The following HEATR5A variants were observed in gnomAD, a reference collection of about 807,000 sequenced individuals.
HEATR5A encodes HEAT repeat-containing protein 5A.
HEATR5A carries 178 observed loss-of-function variants against 218.8 expected under a neutral mutation model. That is an observed-to-expected ratio of 0.81 (90% CI 0.72 to 0.92). The LOEUF is 0.92. HEATR5A is among the 40% of genes least tolerant of loss of function. The pLI, the probability that HEATR5A is intolerant of heterozygous loss-of-function variation, is 0.00. For missense variants in HEATR5A, 2,420 were observed against 2,418.9 expected, an observed-to-expected ratio of 1.00 and a Z score of -0.01; for synonymous variants, 864 against 871.6, an observed-to-expected ratio of 0.99 and a Z score of 0.15.
At chr14:31,318,552 G>A (rs759800936) in intron 25 of HEATR5A, among the ~76,000 whole-genome samples, 2 of 152,182 alleles carry the variant, frequency 1.3e-5, no homozygotes, top group African/African-American at 4.8e-5. Flanking sequence ...GTGCAGTGGC[G>A]CAATCTCGGC....
intron 8 of HEATR5A, 53 bp from the exon 9 acceptor site, chr14:31,386,628 G>T: frequency 6.8e-7 from 1 of 1,481,110 alleles, no homozygotes. Context: ...AAAATATATT[G>T]AAAAGGGTGT....
At chr14:31,350,323 G>A (rs1370667793) in intron 17 of HEATR5A, among the ~76,000 whole-genome samples, 2 of 152,144 alleles carry the variant, frequency 1.3e-5, no homozygotes, top group Non-Finnish European at 2.9e-5. Context: ...AAGTAACAAT[G>A]AGCTGGATTT....
At chr14:31,358,491 G>T in intron 16 of HEATR5A, 146 bp downstream of exon 16, 1 of 703,234 alleles carries the variant, frequency 1.4e-6, no homozygotes. Flanking sequence ...TTAAGTATTA[G>T]CCAAGTGAAT....
chr14:31,323,472 T>A (rs758977501), intron 24 of HEATR5A, 93 bp downstream of exon 24: 40 of 1,058,652 alleles, frequency 3.8e-5, no homozygotes, highest in African/African-American at 4.9e-5. Flanking sequence ...AGTTTCATTT[T>A]AAAAAAATAT....
chr14:31,405,575 A>T (rs1296783313), intron 1 of HEATR5A, among the ~76,000 whole-genome samples: 1 of 152,246 alleles, frequency 6.6e-6, no homozygotes, highest in Non-Finnish European at 1.5e-5. Flanking sequence ...TTCACAATTA[A>T]GGATACAGTT....
At chr14:31,416,221 A>G (rs942936184) in intron 1 of HEATR5A, among the ~76,000 whole-genome samples, 1 of 152,126 alleles carries the variant, frequency 6.6e-6, no homozygotes, top group Admixed American at 6.5e-5. Flanking sequence ...GAGTTTAAGC[A>G]ATTATCTGCC....
intron 19 of HEATR5A, among the ~76,000 whole-genome samples, chr14:31,346,330 C>T (rs1470573097): frequency 6.6e-6 from 1 of 152,012 alleles, no homozygotes; most frequent in Non-Finnish European, 1.5e-5. Flanking sequence ...GCAAAAAGTA[C>T]TATATATAAA....
chr14:31,352,606 G>A (rs1171613814), intron 16 of HEATR5A, among the ~76,000 whole-genome samples: 2 of 152,098 alleles, frequency 1.3e-5, no homozygotes, highest in African/African-American at 4.8e-5. Context: ...GGAAGGTATC[G>A]AGGCTATGTG....
At chr14:31,312,734 C>CA (rs1899797741) in intron 28 of HEATR5A, among the ~76,000 whole-genome samples, 1 of 151,828 alleles carries the variant, frequency 6.6e-6, no homozygotes, top group Non-Finnish European at 1.5e-5. Flanking sequence ...CCCATCTCTA[C>CA]AAAAGATACA....
rs571159323 is a variant in HEATR5A, at chr14:31,343,798, CTT to C, written c.3228+96_3228+97del. On this transcript the variant is annotated intron_variant, in intron 21 of 35. Transcript: ENST00000543095. Reference sequence around the variant, plus strand: ...AAATAGCTACGTATATAACACATAACTTTGTACATAGTCTAGAGTATAATTAA... The same window carrying C: ...AAATAGCTACGTATATAACACATAACTGTACATAGTCTAGAGTATAATTAA... 9.1e-4 allele frequency: 925 copies of C among 1,016,326 alleles called. 14 individuals are homozygous for C. In the South Asian group the frequency reaches 0.023, roughly 25 times the overall value. 63.0% of individuals were successfully genotyped at this position (1,016,326 alleles called of 1,614,324 possible).
At chr14:31,300,690 G>A (rs568051931) in intron 33 of HEATR5A, among the ~76,000 whole-genome samples, 1 of 152,308 alleles carries the variant, frequency 6.6e-6, no homozygotes, top group Non-Finnish European at 1.5e-5. Flanking sequence ...TCTGGCTCCA[G>A]AGCTCCTCAG....
intron 5 of HEATR5A, 48 bp downstream of exon 5, chr14:31,395,151 A>T: frequency 7.8e-7 from 1 of 1,290,262 alleles, no homozygotes; most frequent in Non-Finnish European, 1.0e-6. Flanking sequence ...AAGCTGATTT[A>T]CTTTTCTTTA....
At chr14:31,394,300 G>A (rs1312963810) in intron 5 of HEATR5A, 74 bp from the exon 6 acceptor site, 12 of 821,286 alleles carry the variant, frequency 1.5e-5, no homozygotes, top group Non-Finnish European at 2.1e-5. Context: ...GTAAGTTGCA[G>A]AAACTATCAG....
At chr14:31,400,271 T>C (rs922573541) in intron 3 of HEATR5A, 30 bp downstream of exon 3, 1 of 1,405,498 alleles carries the variant, frequency 7.1e-7, no homozygotes, top group African/African-American at 1.4e-5. Context: ...CAATATTTTG[T>C]TTTCTGTTCT....
chr14:31,339,966 C>G (rs980253324), intron 21 of HEATR5A, among the ~76,000 whole-genome samples: 4 of 152,120 alleles, frequency 2.6e-5, no homozygotes, highest in African/African-American at 9.7e-5. Flanking sequence ...AGCATTTATT[C>G]AGGCTAGTCA....
intron 33 of HEATR5A, among the ~76,000 whole-genome samples, chr14:31,301,993 C>A (rs113246954): frequency 3.4e-5 from 5 of 149,058 alleles, no homozygotes; most frequent in Non-Finnish European, 5.9e-5. Flanking sequence ...CCACCAGAAT[C>A]GGCTGATTTT....
chr14:31,374,983 A>T lies in HEATR5A; in HGVS notation c.1709-15T>A. On this transcript the variant is annotated splice_polypyrimidine_tract_variant and intron_variant, in intron 11 of 35. Transcript: ENST00000543095. The stretch of plus-strand genomic sequence containing the variant: ...AACTGCAGGACCTGTAATTTATTCA[A>T]CTTGTCACTTGTAAGAGAATCCAAG... 1 of 1,583,124 alleles carries T rather than the reference A, an allele frequency of 6.3e-7. No individual in the cohort carries two copies. The highest frequency in any genetic ancestry group is 8.6e-7 in the Non-Finnish European group (1 of 1,165,710).
chr14:31,307,920 C>T lies in HEATR5A; in HGVS notation c.4791G>A (p.Trp1597Ter). ...HALQALLDVPWPRSKIGSDQD... is the reference protein window; with the variant it reads ...HALQALLDVP Reference sequence around the variant, plus strand: ...GATCACTGCCAATTTTTGATCTGGGCCAAGGTACATCTAGAAGTGCTTGCA... The same window carrying T: ...GATCACTGCCAATTTTTGATCTGGGTCAAGGTACATCTAGAAGTGCTTGCA... Residue 1597 changes from tryptophan (W) to a stop codon, truncating the protein, a stop_gained, in exon 30 of 36, where the codon TGG (tryptophan) becomes TGA (stop). Transcript: ENST00000543095. LOFTEE classifies it high-confidence loss of function. 1 of 1,613,502 alleles carries T rather than the reference C, an allele frequency of 6.2e-7. No homozygotes were observed. Among genetic ancestry groups the T allele is most frequent in the Non-Finnish European group, 8.5e-7 (1 of 1,179,750 alleles).
Position 31,398,716 on chromosome 14 carries a change from G to C in HEATR5A, c.404C>G (p.Thr135Ser), listed in dbSNP as rs1410394023. ...TTTAAGAATATTCCCCACTGTATCAGTAAAGGTGTTACCCAGTATTCTACC... is the reference window on the plus strand; with the variant it reads ...TTTAAGAATATTCCCCACTGTATCACTAAAGGTGTTACCCAGTATTCTACC... ...KLGRILGNTF[T>S]DTVGNILKAM... is the part of the protein sequence containing the mutation. Residue 135 changes from threonine to serine, a missense_variant, in exon 4 of 36, where the codon ACT becomes AGT. By Grantham distance (58) the Thr-to-Ser change is moderately conservative (BLOSUM62 1). Coordinates refer to ENST00000543095, the MANE Select transcript of HEATR5A (RefSeq NM_015473.4). The C allele has an allele frequency of 6.5e-7, 1 of 1,532,320 alleles. No individual in the cohort carries two copies. Among genetic ancestry groups the C allele is most frequent in the South Asian group, 1.2e-5 (1 of 83,934 alleles). 94.9% of individuals were successfully genotyped at this position (1,532,320 alleles called of 1,614,324 possible).
Sources: gnomAD v4.1 joint callset for allele counts (sites outside exome capture counted in the v4.1 genomes callset) on GRCh38, gnomAD v4.1.1 for gene constraint, MANE v1.5 for transcripts, NCBI Gene and HGNC (gene_info 2026-07-23, HGNC 2026-07-21) for gene names.